Variants in DLC1 observed in about 807,000 individuals in gnomAD.
DLC1 encodes the protein rho GTPase-activating protein 7.
A neutral mutation model predicts 140.3 loss-of-function variants in DLC1; 54 were observed. The observed-to-expected ratio is 0.38, with a 90% CI of 0.31 to 0.48. The LOEUF is 0.48. Among genes scored for constraint, DLC1 ranks in the 20% least tolerant of loss-of-function variants. DLC1 has a pLI of 0.96. For missense variants in DLC1, 2,536 were observed against 1,907.0 expected (o/e 1.33, Z -6.14); for synonymous variants, 986 against 728.1 (o/e 1.35, Z -5.70).
intron 2 of DLC1, among the ~76,000 whole-genome samples, chr8:13,432,034 A>G (rs1838902545): frequency 6.6e-6 from 1 of 152,158 alleles, no homozygotes; most frequent in East Asian, 1.9e-4. Flanking sequence ...TCTCTATCAA[A>G]TCTCCTGTTG....
At chr8:13,355,802 T>A (rs1291888553) in intron 4 of DLC1, among the ~76,000 whole-genome samples, 1 of 151,968 alleles carries the variant, frequency 6.6e-6, no homozygotes, top group Non-Finnish European at 1.5e-5. Context: ...ATCTTATTTT[T>A]GGCTCAGCAT....
chr8:13,567,813 T>A (rs943692701), intron 1 of DLC1: 1 of 1,551,856 alleles, frequency 6.4e-7, no homozygotes, highest in African/African-American at 1.4e-5. Flanking sequence ...TCAGATACTC[T>A]GGTTTTGAAA....
At position 13,579,361 on chromosome 8, in the gene DLC1, A is replaced by ATT. The variant is rs60996497; in HGVS notation, c.-126+25174_-126+25175dup. On this transcript the variant is annotated intron_variant, in intron 1 of 1. Transcript: ENST00000631382. ...TATATATATATATATATATATATATATTTTTATATAATACATATTTATATA... is the reference window on the plus strand; with the variant it reads ...TATATATATATATATATATATATATATTTTTTTATATAATACATATTTATATA... 6.7e-4 allele frequency among the ~76,000 whole-genome samples: 17 copies of ATT among 25,484 alleles called. 2 individuals are homozygous for ATT. Among genetic ancestry groups the ATT allele is most frequent in the African/African-American group, 2.0e-3 (9 of 4,572 alleles). 16.7% of individuals were successfully genotyped at this position (25,484 alleles called of 152,430 possible). A position where few individuals can be genotyped will look rare whatever the true frequency, so the allele number is the denominator to read the frequency against.
chr8:13,095,559 T>C, intron 10 of DLC1: 1 of 290,906 alleles, frequency 3.4e-6, no homozygotes. Flanking sequence ...CAGGTCCGTT[T>C]CCTCAGTTAG....
intron 5 of DLC1, among the ~76,000 whole-genome samples, chr8:13,172,102 TAAC>T: frequency 2.0e-5 from 3 of 152,348 alleles, no homozygotes; most frequent in African/African-American, 7.2e-5. Context: ...ATTCTTACGA[TAAC>T]AAAACATTTT....
rs565484827 is a variant in DLC1, at chr8:13,301,208, T to C, written c.1348+4061A>G. On this transcript the variant is annotated intron_variant, in intron 5 of 17. Transcript: ENST00000276297. ...AATGTTACCTGTTTCCAAGAGAGAA[T>C]TTCAGTCTAATAGACAAAAAAAAAA... Among the ~76,000 whole-genome samples, 157 of 151,342 alleles carry C rather than the reference T, an allele frequency of 1.0e-3. 3 individuals are homozygous for C. The South Asian group carries it at 0.018, about 17-fold the overall frequency.
intron 5 of DLC1, among the ~76,000 whole-genome samples, chr8:13,234,961 CAA>C (rs1017478171): frequency 6.6e-6 from 1 of 152,018 alleles, no homozygotes; most frequent in African/African-American, 2.4e-5. Context: ...GTATGGAGAG[CAA>C]AGACTGATTC....
intron 4 of DLC1, among the ~76,000 whole-genome samples, chr8:13,348,333 A>G (rs1834464537): frequency 6.6e-6 from 1 of 152,130 alleles, no homozygotes; most frequent in Non-Finnish European, 1.5e-5. Flanking sequence ...AAACTAAACT[A>G]GTGATATAGG....
chr8:13,255,470 C>T (rs559437536), intron 5 of DLC1, among the ~76,000 whole-genome samples: 32 of 152,172 alleles, frequency 2.1e-4, no homozygotes, highest in Admixed American at 1.2e-3. Flanking sequence ...TCCTCATATC[C>T]ACTAACTTAA....
At chr8:13,127,767 C>G (rs368809891) in intron 5 of DLC1, among the ~76,000 whole-genome samples, 2 of 152,190 alleles carry the variant, frequency 1.3e-5, no homozygotes, top group East Asian at 3.8e-4. Flanking sequence ...TTAGAGACTC[C>G]TGCGAGGAGA....
At chr8:13,479,847 G>GA (rs1563383570) in intron 2 of DLC1, among the ~76,000 whole-genome samples, 447 of 21,096 alleles carry the variant, frequency 0.021, 48 homozygotes, top group Non-Finnish European at 0.054. Flanking sequence ...AGAAGAAGAA[G>GA]AAGAAGAAGA....
At chr8:13,512,825 C>G (rs1032782531) in intron 1 of DLC1, among the ~76,000 whole-genome samples, 2 of 151,920 alleles carry the variant, frequency 1.3e-5, no homozygotes, top group Admixed American at 1.3e-4. Context: ...GATTGATTTT[C>G]TTGACATAAA....
chr8:13,299,444 TTCC>T (rs1832093138), intron 5 of DLC1, among the ~76,000 whole-genome samples: 2 of 147,860 alleles, frequency 1.4e-5, no homozygotes, highest in African/African-American at 5.0e-5. Context: ...GCAAAACTCC[TTCC>T]CAAAAAAAGA....
At chr8:13,263,991 A>T (rs12545264) in intron 5 of DLC1, among the ~76,000 whole-genome samples, 1 of 152,004 alleles carries the variant, frequency 6.6e-6, no homozygotes, top group Non-Finnish European at 1.5e-5. Flanking sequence ...ATGCCTTTCA[A>T]CAGGATAATG....
intron 5 of DLC1, among the ~76,000 whole-genome samples, chr8:13,122,500 A>C (rs997726): frequency 0.013 from 2,005 of 152,146 alleles, 41 homozygotes; most frequent in African/African-American, 0.046. Context: ...AAAGAAAAAA[A>C]AAAATCTATT....
At chr8:13,123,703 T>C (rs900653194) in intron 5 of DLC1, among the ~76,000 whole-genome samples, 4 of 152,186 alleles carry the variant, frequency 2.6e-5, no homozygotes, top group African/African-American at 9.7e-5. Flanking sequence ...AAACTTATTA[T>C]GTTTACTTTC....
At chr8:13,128,949 A>G (rs890638577) in intron 5 of DLC1, among the ~76,000 whole-genome samples, 2 of 152,114 alleles carry the variant, frequency 1.3e-5, no homozygotes, top group Non-Finnish European at 2.9e-5. Flanking sequence ...AAGTGAACAA[A>G]ACGTTAAGAC....
intron 2 of DLC1, among the ~76,000 whole-genome samples, chr8:13,475,714 C>G (rs1563379983): frequency 6.6e-6 from 1 of 152,122 alleles, no homozygotes; most frequent in African/African-American, 2.4e-5. Context: ...ACTCAAATCC[C>G]TAGAAGAACA....
chr8:13,457,676 C>CAAAAA (rs34916262), intron 2 of DLC1, among the ~76,000 whole-genome samples: 7 of 54,864 alleles, frequency 1.3e-4, no homozygotes, highest in East Asian at 6.5e-4. Flanking sequence ...GACTCCATCT[C>CAAAAA]AAAAAAAAAA....
Sources: gnomAD v4.1 joint callset for allele counts (sites outside exome capture counted in the v4.1 genomes callset) on GRCh38, gnomAD v4.1.1 for gene constraint, MANE v1.5 for transcripts, NCBI Gene and HGNC (gene_info 2026-07-23, HGNC 2026-07-21) for gene names.